The following CLASP2 variants were observed in gnomAD, a reference collection of about 807,000 sequenced individuals.
The protein encoded by CLASP2 is CLIP-associating protein 2.
A neutral mutation model predicts 194.4 loss-of-function variants in CLASP2; 47 were observed. That is an observed-to-expected ratio of 0.24 (90% CI 0.19 to 0.31). The LOEUF (loss-of-function observed/expected upper bound fraction) is 0.31. Among genes scored for constraint, CLASP2 ranks in the 10% least tolerant of loss-of-function variants. The pLI, the probability that CLASP2 is intolerant of heterozygous loss-of-function variation, is 1.00. For missense variants in CLASP2, 1,445 were observed against 1,823.6 expected (o/e 0.79, Z 3.78); for synonymous variants, 619 against 633.5 (o/e 0.98, Z 0.34).
chr3:33,588,807 G>T, intron 21 of CLASP2: 1 of 689,070 alleles, frequency 1.5e-6, no homozygotes, highest in South Asian at 1.6e-5. Context: ...TTAAATGGAT[G>T]GCAGATGGAA....
chr3:33,525,735 T>A (rs1043194295), intron 34 of CLASP2, among the ~76,000 whole-genome samples: 5 of 152,160 alleles, frequency 3.3e-5, no homozygotes, highest in African/African-American at 9.7e-5. Context: ...CAGGCAAAGG[T>A]AGCTACAGCT....
chr3:33,517,530 C>A (rs1160201398), intron 34 of CLASP2, among the ~76,000 whole-genome samples: 1 of 152,102 alleles, frequency 6.6e-6, no homozygotes, highest in Non-Finnish European at 1.5e-5. Context: ...GTCATTTCCT[C>A]TTTATATACT....
chr3:33,644,920 A>C lies in CLASP2; in HGVS notation c.716-17T>G, dbSNP rs751075676. ...AGCTTTTATCTGCACAAAGCATCAG[A>C]AAAATGTATTTAAGAGAACTAAGCT... On this transcript the variant is annotated splice_polypyrimidine_tract_variant and intron_variant, in intron 7 of 38. Coordinates refer to ENST00000682230, the MANE Select transcript of CLASP2 (RefSeq NM_001365631.1). 8.1e-5 allele frequency: 127 copies of C among 1,575,430 alleles called. No individual in the cohort carries two copies. The highest frequency in any genetic ancestry group is 1.1e-4 in the Non-Finnish European group (126 of 1,158,654).
chr3:33,543,199 C>T (rs190677570), intron 32 of CLASP2, among the ~76,000 whole-genome samples: 12 of 152,226 alleles, frequency 7.9e-5, no homozygotes, highest in Admixed American at 2.6e-4. Context: ...ATGGTGAAAC[C>T]CTGTCTCTAG....
chr3:33,501,616 T>C (rs1394137332), intron 38 of CLASP2, 36 bp downstream of exon 38: 4 of 1,274,590 alleles, frequency 3.1e-6, no homozygotes, highest in Non-Finnish European at 4.6e-6. Context: ...AGATGTACTA[T>C]GGCCACCATC....
chr3:33,520,873 T>C (rs1438406983), intron 34 of CLASP2, among the ~76,000 whole-genome samples: 1 of 149,940 alleles, frequency 6.7e-6, no homozygotes, highest in South Asian at 2.1e-4. Context: ...ACTCCCTAGC[T>C]CTGCCCACTG....
intron 37 of CLASP2, chr3:33,502,893 T>C (rs2047161859): frequency 6.6e-6 from 1 of 152,246 alleles, no homozygotes; most frequent in South Asian, 2.1e-4. Context: ...AAATTAATTT[T>C]TCTATATGGT....
chr3:33,616,782 G>T (rs1369353454), intron 12 of CLASP2, among the ~76,000 whole-genome samples: 4 of 135,784 alleles, frequency 2.9e-5, no homozygotes, highest in African/African-American at 1.1e-4. Context: ...GTGTCGCCCA[G>T]GCTGGAGTGC....
intron 7 of CLASP2, among the ~76,000 whole-genome samples, chr3:33,663,031 T>A (rs112978210): frequency 0.026 from 3,905 of 152,024 alleles, 154 homozygotes; most frequent in African/African-American, 0.089. Context: ...TCTATTATAG[T>A]CTGTACACAG....
intron 6 of CLASP2, among the ~76,000 whole-genome samples, chr3:33,679,847 C>T (rs1457803291): frequency 6.6e-6 from 1 of 152,204 alleles, no homozygotes; most frequent in East Asian, 1.9e-4. Context: ...ATTAAACATA[C>T]TCTTACCATG....
intron 2 of CLASP2, among the ~76,000 whole-genome samples, chr3:33,696,065 G>A (rs1465124143): frequency 1.3e-5 from 2 of 152,014 alleles, no homozygotes; most frequent in Non-Finnish European, 2.9e-5. Context: ...GACTGTCTAT[G>A]ATAAGGAAAT....
At chr3:33,549,882 G>A (rs2059720449) in intron 30 of CLASP2, among the ~76,000 whole-genome samples, 1 of 151,864 alleles carries the variant, frequency 6.6e-6, no homozygotes, top group Non-Finnish European at 1.5e-5. Flanking sequence ...GGGGCTACAG[G>A]TGCATGCCAA....
chr3:33,687,783 A>AG (rs1389973919), intron 4 of CLASP2, among the ~76,000 whole-genome samples: 5 of 152,212 alleles, frequency 3.3e-5, no homozygotes, highest in Non-Finnish European at 7.3e-5. Context: ...TTCAGATCAG[A>AG]GTCATAGTTC....
At chr3:33,631,193 A>G (rs1047178171) in intron 9 of CLASP2, among the ~76,000 whole-genome samples, 3 of 152,180 alleles carry the variant, frequency 2.0e-5, no homozygotes, top group African/African-American at 7.2e-5. Context: ...TCATACCGGT[A>G]AAAATATTTT....
intron 2 of CLASP2, among the ~76,000 whole-genome samples, chr3:33,692,233 A>G (rs1559655142): frequency 2.0e-5 from 3 of 152,152 alleles, no homozygotes; most frequent in South Asian, 2.1e-4. Flanking sequence ...AACCATCTCC[A>G]TTTTCCATTT....
rs1468751829 is a variant in CLASP2, at chr3:33,516,162, A to G, written c.3982-11T>C. 6.3e-7 allele frequency: 1 copy of G among 1,588,438 alleles called. No individual in the cohort carries two copies. The highest frequency in any genetic ancestry group is 1.4e-5 in the African/African-American group (1 of 73,914). On this transcript the variant is annotated splice_polypyrimidine_tract_variant and intron_variant, in intron 35 of 38. Coordinates refer to ENST00000682230, the MANE Select transcript of CLASP2 (RefSeq NM_001365631.1). ...AGCCCTGATTGTAGGCTAAGAAGAAACATTTAAATGTTTTTAATATTTTGG... is the reference window on the plus strand; with the variant it reads ...AGCCCTGATTGTAGGCTAAGAAGAAGCATTTAAATGTTTTTAATATTTTGG...
chr3:33,584,961 C>A, intron 21 of CLASP2, 41 bp from the exon 22 acceptor site: 3 of 1,519,936 alleles, frequency 2.0e-6, no homozygotes, highest in East Asian at 2.4e-5. Flanking sequence ...CATGTAAATG[C>A]CAAGAGAATT....
chr3:33,662,722 T>C (rs1407107129), intron 7 of CLASP2, among the ~76,000 whole-genome samples: 2 of 152,170 alleles, frequency 1.3e-5, no homozygotes, highest in African/African-American at 2.4e-5. Flanking sequence ...CTCTTTAATA[T>C]GAAACTACTT....
rs2046020716 is a variant in CLASP2, at chr3:33,498,060, G to C, written c.*571C>G. 1 of 152,580 alleles carries C rather than the reference G, an allele frequency of 6.6e-6. No homozygotes were observed. Among genetic ancestry groups the C allele is most frequent in the Non-Finnish European group, 1.5e-5 (1 of 68,044 alleles). 9.5% of individuals were successfully genotyped at this position (152,580 alleles called of 1,614,324 possible). The stretch of plus-strand genomic sequence containing the variant: ...TTGAGGTTTTAGTTTTCAAACTATA[G>C]ATCACCCCAAAGAAGTTGCAACTAA... On this transcript the variant is annotated 3_prime_UTR_variant, in exon 39 of 39. Coordinates refer to ENST00000682230, the MANE Select transcript of CLASP2 (RefSeq NM_001365631.1).
Sources: gnomAD v4.1 joint callset for allele counts (sites outside exome capture counted in the v4.1 genomes callset) on GRCh38, gnomAD v4.1.1 for gene constraint, MANE v1.5 for transcripts, NCBI Gene and HGNC (gene_info 2026-07-23, HGNC 2026-07-21) for gene names.